Variants in PDIA4 observed in about 807,000 individuals in gnomAD.
PDIA4 encodes protein disulfide isomerase family A member 4.
In PDIA4, 33 loss-of-function variants were observed where a neutral mutation model predicts 62.1. That is an observed-to-expected ratio of 0.53 (90% confidence interval 0.40 to 0.71). The LOEUF is 0.71. Among genes scored for constraint, PDIA4 ranks in the 30% least tolerant of loss-of-function variants. The pLI is 0.00. For missense variants in PDIA4, 804 were observed against 813.6 expected (o/e 0.99, Z 0.14); for synonymous variants, 341 against 324.1 (o/e 1.05, Z -0.56).
At chr7:149,015,526 G>C (rs1209922005) in intron 3 of PDIA4, among the ~76,000 whole-genome samples, 1 of 133,666 alleles carries the variant, frequency 7.5e-6, no homozygotes, top group Non-Finnish European at 1.6e-5. Flanking sequence ...AAATTTAAAA[G>C]AGGAGCAGTA....
chr7:149,004,254 G>T (rs1167851900), intron 9 of PDIA4, 45 bp from the exon 10 acceptor site: 1 of 1,560,748 alleles, frequency 6.4e-7, no homozygotes, highest in African/African-American at 1.4e-5. Flanking sequence ...TGCTGCAAAG[G>T]CCAAAGATTC....
At chr7:149,022,404 A>AT (rs1039444353) in intron 1 of PDIA4, among the ~76,000 whole-genome samples, 11 of 149,782 alleles carry the variant, frequency 7.3e-5, no homozygotes, top group East Asian at 3.9e-4. Context: ...ATTTTATTTT[A>AT]TTTTTTTTGC....
At chr7:149,015,153 G>T in intron 3 of PDIA4, 111 bp from the exon 4 acceptor site, 1 of 1,083,282 alleles carries the variant, frequency 9.2e-7, no homozygotes, top group Non-Finnish European at 1.3e-6. Flanking sequence ...GGGCCCACAA[G>T]AACAGGAGGT....
chr7:149,010,831 C>T (rs1823920145), intron 6 of PDIA4, among the ~76,000 whole-genome samples: 1 of 152,200 alleles, frequency 6.6e-6, no homozygotes, highest in Non-Finnish European at 1.5e-5. Flanking sequence ...CTGGGACCCA[C>T]AGCACTGGAA....
At chr7:149,025,085 A>AAAAAAATATATATATAT (rs1554446854) in intron 1 of PDIA4, among the ~76,000 whole-genome samples, 2 of 22,350 alleles carry the variant, frequency 8.9e-5, no homozygotes, top group African/African-American at 1.2e-4. Flanking sequence ...AAAAAAAAAA[A>AAAAAAATATATATATAT]ATATATATAT....
At chr7:149,009,071 T>C (rs11980538) in intron 6 of PDIA4, among the ~76,000 whole-genome samples, 43,392 of 152,070 alleles carry the variant, frequency 0.29, 7,988 homozygotes, top group African/African-American at 0.52. Context: ...GCTGGGACTA[T>C]AGGCATATGC....
chr7:149,004,359 G>GCTACTCT, intron 9 of PDIA4, 150 bp from the exon 10 acceptor site: 1 of 736,256 alleles, frequency 1.4e-6, no homozygotes, highest in Non-Finnish European at 2.2e-6. Flanking sequence ...AGTAGTAGCT[G>GCTACTCT]CTACTCTCTA....
chr7:149,009,259 C>A (rs532515134), intron 6 of PDIA4, among the ~76,000 whole-genome samples: 8 of 151,966 alleles, frequency 5.3e-5, no homozygotes, highest in Admixed American at 5.2e-4. Flanking sequence ...CCAGCCTGGG[C>A]AACATGGTGA....
At chr7:149,016,657 A>G (rs1337030349) in intron 3 of PDIA4, among the ~76,000 whole-genome samples, 2 of 151,834 alleles carry the variant, frequency 1.3e-5, no homozygotes, top group Non-Finnish European at 2.9e-5. Flanking sequence ...CACACCAGCC[A>G]CCTGCCACCA....
At chr7:149,016,906 G>A (rs1563122361) in intron 3 of PDIA4, among the ~76,000 whole-genome samples, 1 of 152,124 alleles carries the variant, frequency 6.6e-6, no homozygotes, top group Non-Finnish European at 1.5e-5. Flanking sequence ...GTTTATAAAT[G>A]TATTACCTAG....
At position 149,007,802 on chromosome 7, in the gene PDIA4, C is replaced by T. The variant is rs1403420474; in HGVS notation, c.1131+357G>A. ...CAAACACGACTTGGCCTCAACGGAG[C>T]ACCATGTGCTGGCCCAGGCCAAACC... On this transcript the variant is annotated intron_variant, in intron 7 of 9. Coordinates refer to ENST00000652332, the MANE Select transcript of PDIA4 (RefSeq NM_004911.5). Among the ~76,000 whole-genome samples the T allele has an allele frequency of 2.0e-5, 3 of 152,392 alleles. No homozygotes were observed. In the East Asian group the frequency reaches 5.8e-4, roughly 29 times the overall value.
Position 149,003,602 on chromosome 7 carries a change from GACTAA to G in PDIA4, c.*187_*191del, listed in dbSNP as rs535259895. ...TAGATGTATCCTCTGTAAAAATCTG[GACTAA>G]ACTATTCAGTCATTCATGGTTATTC... is the stretch of plus-strand genomic sequence containing the variant. On this transcript the variant is annotated 3_prime_UTR_variant, in exon 10 of 10. Transcript: ENST00000652332. The G allele has an allele frequency of 1.1e-4, 47 of 421,692 alleles. No homozygotes were observed. Among genetic ancestry groups the G allele is most frequent in the African/African-American group, 3.1e-4 (15 of 48,950 alleles). 26.1% of individuals were successfully genotyped at this position (421,692 alleles called of 1,614,324 possible). A position where few individuals can be genotyped will look rare whatever the true frequency, so the allele number is the denominator to read the frequency against.
chr7:149,022,812 A>G (rs932020425), intron 1 of PDIA4, among the ~76,000 whole-genome samples: 15 of 152,150 alleles, frequency 9.9e-5, no homozygotes, highest in African/African-American at 3.6e-4. Context: ...GGCAGGGAGA[A>G]GGGGGCAGCT....
chr7:149,018,483 G>A (rs1298607322), intron 3 of PDIA4, among the ~76,000 whole-genome samples: 2 of 151,900 alleles, frequency 1.3e-5, no homozygotes, highest in Non-Finnish European at 2.9e-5. Context: ...CCAGGCTGGA[G>A]TGAAGTGGCA....
chr7:149,019,934 A>G (rs1283909868), intron 2 of PDIA4, among the ~76,000 whole-genome samples: 4 of 152,198 alleles, frequency 2.6e-5, no homozygotes, highest in African/African-American at 9.7e-5. Flanking sequence ...TCTTTGAACT[A>G]AAAAGTATGA....
intron 3 of PDIA4, among the ~76,000 whole-genome samples, chr7:149,016,522 G>C (rs1824144588): frequency 6.6e-6 from 1 of 151,234 alleles, no homozygotes; most frequent in South Asian, 2.1e-4. Context: ...TGTTACACTA[G>C]TACCTTTTTT....
Position 149,021,119 on chromosome 7 carries a change from C to T in PDIA4, c.117G>A (p.Glu39=), listed in dbSNP as rs569544239. 4.4e-6 allele frequency: 7 copies of T among 1,603,098 alleles called. No individual in the cohort carries two copies. In the East Asian group the frequency reaches 1.6e-4, roughly 36 times the overall value. The part of the protein sequence containing the change: ...EDSSNRENAI[E]DEEEEEEEDD... ...CTTCCTCCTCCTCCTCCTCTTCATC[C>T]TCAATGGCATTTTCTCTGTTAGAAG... Residue 39 remains glutamate, a synonymous_variant, in exon 2 of 10, where the codon GAG becomes GAA. Coordinates refer to ENST00000652332, the MANE Select transcript of PDIA4 (RefSeq NM_004911.5).
intron 3 of PDIA4, among the ~76,000 whole-genome samples, chr7:149,015,328 G>A (rs1824091503): frequency 6.6e-6 from 1 of 152,030 alleles, no homozygotes. Context: ...TTACCATCAG[G>A]CTATGGTACT....
chr7:149,014,768 T>C (rs1362526791), intron 4 of PDIA4, 136 bp downstream of exon 4: 1 of 747,426 alleles, frequency 1.3e-6, no homozygotes, highest in Non-Finnish European at 2.2e-6. Flanking sequence ...CCAGAAGACC[T>C]GGAGCCTCAA....
Sources: gnomAD v4.1 joint callset for allele counts (sites outside exome capture counted in the v4.1 genomes callset) on GRCh38, gnomAD v4.1.1 for gene constraint, MANE v1.5 for transcripts, NCBI Gene and HGNC (gene_info 2026-07-23, HGNC 2026-07-21) for gene names.